The following CNTLN variants were observed in gnomAD, a reference collection of about 807,000 sequenced individuals.
CNTLN encodes the protein centlein, centrosomal protein.
In CNTLN, 212 loss-of-function variants were observed where a neutral mutation model predicts 180.0. The ratio of observed to expected loss-of-function variants is 1.18; its 90% CI spans 1.05 to 1.32. The LOEUF (loss-of-function observed/expected upper bound fraction) is 1.32. Ranked by LOEUF, CNTLN falls within the 40% of genes most tolerant of loss-of-function variation. The pLI, the probability that CNTLN is intolerant of heterozygous loss-of-function variation, is 0.00. For missense variants in CNTLN, 2,095 were observed against 1,610.9 expected, an observed-to-expected ratio of 1.30 and a Z score of -5.14; for synonymous variants, 722 against 563.1, an observed-to-expected ratio of 1.28 and a Z score of -3.99.
At chr9:17,222,372 A>C (rs1188990489) in intron 2 of CNTLN, among the ~76,000 whole-genome samples, 1 of 151,984 alleles carries the variant, frequency 6.6e-6, no homozygotes, top group African/African-American at 2.4e-5. Context: ...TCTCATCTTT[A>C]GTTGTACTCC....
intron 8 of CNTLN, among the ~76,000 whole-genome samples, chr9:17,318,416 T>C (rs1369119457): frequency 6.6e-6 from 1 of 152,156 alleles, no homozygotes; most frequent in Admixed American, 6.5e-5. Context: ...GAGACAAATT[T>C]AACAGGCAAT....
At chr9:17,224,602 T>C (rs1824346142) in intron 2 of CNTLN, among the ~76,000 whole-genome samples, 1 of 152,058 alleles carries the variant, frequency 6.6e-6, no homozygotes, top group African/African-American at 2.4e-5. Flanking sequence ...CTATCCCTTA[T>C]TTCACTAATC....
intron 14 of CNTLN, among the ~76,000 whole-genome samples, chr9:17,391,977 G>A (rs564804906): frequency 6.6e-6 from 1 of 152,192 alleles, no homozygotes; most frequent in Admixed American, 6.5e-5. Context: ...GTGAGATATA[G>A]ACCTGATTCA....
At chr9:17,506,145 A>G (rs1297189367), downstream of CNTLN, among the ~76,000 whole-genome samples, 1 of 152,030 alleles carries the variant, frequency 6.6e-6, no homozygotes, top group African/African-American at 2.4e-5. Flanking sequence ...TTACATCAAA[A>G]TGGGTCAACA....
At chr9:17,446,041 A>G (rs924577898) in intron 18 of CNTLN, among the ~76,000 whole-genome samples, 2 of 152,052 alleles carry the variant, frequency 1.3e-5, no homozygotes. Flanking sequence ...AATCCTTTAC[A>G]TTGTCTATGA....
Position 17,366,104 on chromosome 9 carries a change from T to G in CNTLN, c.1887-513T>G, listed in dbSNP as rs558588297. Among the ~76,000 whole-genome samples the G allele has an allele frequency of 2.7e-4, 41 of 152,266 alleles. 1 individual carries two copies. Among genetic ancestry groups the G allele is most frequent in the African/African-American group, 9.6e-4 (40 of 41,554 alleles). ...GTCCTCAGTAAATTCAATTGTAGTT[T>G]TTTGGATTTGGGCATATTATTACTA... On this transcript the variant is annotated intron_variant, in intron 12 of 25. Coordinates refer to ENST00000380647, the MANE Select transcript of CNTLN (RefSeq NM_017738.4).
intron 18 of CNTLN, among the ~76,000 whole-genome samples, chr9:17,426,894 G>C (rs1250586257): frequency 1.3e-5 from 2 of 152,072 alleles, no homozygotes; most frequent in Non-Finnish European, 2.9e-5. Flanking sequence ...TTTCAGGGTA[G>C]TAAGATTCCT....
intron 15 of CNTLN, among the ~76,000 whole-genome samples, chr9:17,401,560 A>G (rs1826979555): frequency 6.7e-6 from 1 of 149,588 alleles, no homozygotes; most frequent in Non-Finnish European, 1.5e-5. Flanking sequence ...TTTTGTAGAG[A>G]TGAGATCTTG....
At chr9:17,333,718 G>T (rs2133137347) in intron 10 of CNTLN, among the ~76,000 whole-genome samples, 2 of 144,768 alleles carry the variant, frequency 1.4e-5, no homozygotes, top group South Asian at 4.3e-4. Flanking sequence ...TCTAAAACAT[G>T]AAAATTATAA....
the CNTLN span, among the ~76,000 whole-genome samples, chr9:17,523,017 G>C: frequency 4.6e-5 from 7 of 152,196 alleles, no homozygotes; most frequent in Non-Finnish European, 8.8e-5. Flanking sequence ...TAAAAGGTAC[G>C]AATGTCCCTC....
intron 2 of CNTLN, chr9:17,166,814 T>G (rs776132873): frequency 4.9e-6 from 2 of 404,174 alleles, no homozygotes; most frequent in South Asian, 3.8e-5. Flanking sequence ...TTACATATTC[T>G]TAGGAGGCCA....
intron 23 of CNTLN, among the ~76,000 whole-genome samples, chr9:17,476,015 A>T (rs975977939): frequency 6.6e-6 from 1 of 152,020 alleles, no homozygotes; most frequent in Non-Finnish European, 1.5e-5. Context: ...ACCTCAAGCA[A>T]ATCTGCCAGC....
chr9:17,304,188 T>C (rs1270373217), intron 7 of CNTLN, among the ~76,000 whole-genome samples: 3 of 152,140 alleles, frequency 2.0e-5, no homozygotes, highest in Non-Finnish European at 4.4e-5. Flanking sequence ...GTGAGTCATA[T>C]TGTCCCAGAG....
intron 5 of CNTLN, among the ~76,000 whole-genome samples, chr9:17,266,982 C>G (rs562227148): frequency 2.0e-5 from 3 of 152,222 alleles, no homozygotes; most frequent in South Asian, 2.1e-4. Flanking sequence ...TGGGTCTTGA[C>G]TCTTTATCCA....
At chr9:17,349,892 C>G (rs553594165) in intron 12 of CNTLN, among the ~76,000 whole-genome samples, 1 of 152,296 alleles carries the variant, frequency 6.6e-6, no homozygotes, top group Admixed American at 6.5e-5. Context: ...AGTATAGTTT[C>G]AAGCTCTAGG....
At chr9:17,349,356 A>T (rs1439136995) in intron 12 of CNTLN, among the ~76,000 whole-genome samples, 1 of 152,146 alleles carries the variant, frequency 6.6e-6, no homozygotes. Context: ...TGTTTAAGTA[A>T]TAAGATGTAC....
chr9:17,141,181 G>C (rs1451607256), intron 1 of CNTLN, among the ~76,000 whole-genome samples: 2 of 152,096 alleles, frequency 1.3e-5, no homozygotes, highest in Non-Finnish European at 2.9e-5. Context: ...AATTGTTTCT[G>C]TAACTAAAAA....
chr9:17,294,546 G>A (rs1280228492), intron 6 of CNTLN, among the ~76,000 whole-genome samples: 1 of 151,058 alleles, frequency 6.6e-6, no homozygotes, highest in Non-Finnish European at 1.5e-5. Flanking sequence ...GCTGATTGGT[G>A]TGTTTACAAT....
chr9:17,433,936 T>G (rs1459668681), intron 18 of CNTLN, among the ~76,000 whole-genome samples: 1 of 152,218 alleles, frequency 6.6e-6, no homozygotes, highest in Non-Finnish European at 1.5e-5. Context: ...TTGAAATTTA[T>G]GGAGATGATA....
Sources: allele counts gnomAD v4.1 joint callset (sites outside exome capture counted in the v4.1 genomes callset), GRCh38; gene constraint gnomAD v4.1.1; transcripts MANE v1.5; gene names NCBI Gene and HGNC (gene_info 2026-07-23, HGNC 2026-07-21).